ATP8B1: variants seen among roughly 807,000 people sequenced by gnomAD.
The protein encoded by ATP8B1 is ATPase phospholipid transporting 8B1, also known as phospholipid-transporting ATPase IC.
A neutral mutation model predicts 149.9 loss-of-function variants in ATP8B1; 80 were observed. The ratio of observed to expected loss-of-function variants is 0.53; its 90% confidence interval spans 0.45 to 0.64. ATP8B1 has a LOEUF of 0.64. ATP8B1 is among the 30% of genes least tolerant of loss of function. The pLI is 0.00. For missense variants in ATP8B1, 1,247 were observed against 1,552.6 expected (o/e 0.80, Z 3.31); for synonymous variants, 536 against 562.8 (o/e 0.95, Z 0.67).
At chr18:57,790,799 C>A (rs1184356582) in intron 1 of ATP8B1, among the ~76,000 whole-genome samples, 3 of 152,176 alleles carry the variant, frequency 2.0e-5, no homozygotes, top group East Asian at 3.8e-4. Flanking sequence ...CCACTCACTG[C>A]AACCTTTGCC....
intron 1 of ATP8B1, among the ~76,000 whole-genome samples, chr18:57,794,244 T>C (rs1177269590): frequency 6.6e-6 from 1 of 152,122 alleles, no homozygotes; most frequent in Non-Finnish European, 1.5e-5. Flanking sequence ...GAGTATAAAC[T>C]CATATGAGAG....
intron 1 of ATP8B1, among the ~76,000 whole-genome samples, chr18:57,782,801 CTCTTT>C (rs2080368995): frequency 4.8e-5 from 3 of 63,020 alleles, no homozygotes; most frequent in African/African-American, 2.1e-4. Flanking sequence ...TCTAGTTTGT[CTCTTT>C]TTTTTTTTTT....
At chr18:57,657,282 ATAAAAT>A (rs1910068095) in intron 22 of ATP8B1, among the ~76,000 whole-genome samples, 1 of 152,142 alleles carries the variant, frequency 6.6e-6, no homozygotes, top group African/African-American at 2.4e-5. Context: ...TCCAGAATAT[ATAAAAT>A]TAAAGTCACA....
Position 57,695,319 on chromosome 18 carries a change from T to C in ATP8B1, c.792A>G (p.Glu264=). ...DTLATFDGFI[E]CEEPNNRLDK... ...CTAGTCTGTTATTGGGTTCTTCACA[T>C]TCAATAAAACCTTTTAAAAATATAA... The change falls in exon 10 of 28, where the codon GAA becomes GAG. Residue 264 remains glutamate, a synonymous_variant. Coordinates refer to ENST00000648908, the MANE Select transcript of ATP8B1 (RefSeq NM_001374385.1). The C allele has an allele frequency of 1.2e-6, 2 of 1,601,150 alleles. No homozygotes were observed. Among genetic ancestry groups the C allele is most frequent in the Non-Finnish European group, 1.7e-6 (2 of 1,168,314 alleles).
intron 1 of ATP8B1, among the ~76,000 whole-genome samples, chr18:57,766,527 C>A (rs556789991): frequency 1.3e-4 from 20 of 152,294 alleles, no homozygotes; most frequent in Non-Finnish European, 2.6e-4. Context: ...CACATCCTAC[C>A]TTAATGGGGC....
At chr18:57,677,763 C>T (rs1568191983) in intron 15 of ATP8B1, among the ~76,000 whole-genome samples, 5 of 152,124 alleles carry the variant, frequency 3.3e-5, no homozygotes, top group Admixed American at 3.3e-4. Flanking sequence ...TAACCAGAGA[C>T]AAATCAGCAG....
intron 1 of ATP8B1, among the ~76,000 whole-genome samples, chr18:57,764,531 G>C (rs541145526): frequency 5.2e-4 from 79 of 151,680 alleles, no homozygotes; most frequent in South Asian, 2.9e-3. Context: ...TGTTTCTCCT[G>C]CCTCAGCCTC....
At chr18:57,679,704 G>A (rs187850322) in intron 15 of ATP8B1, among the ~76,000 whole-genome samples, 233 of 152,178 alleles carry the variant, frequency 1.5e-3, no homozygotes, top group African/African-American at 5.3e-3. Context: ...TCACTTTGTC[G>A]CCCAGGCTGG....
intron 1 of ATP8B1, among the ~76,000 whole-genome samples, chr18:57,752,484 C>T (rs1418376289): frequency 6.6e-6 from 1 of 152,096 alleles, no homozygotes; most frequent in South Asian, 2.1e-4. Flanking sequence ...TAATCTTGAT[C>T]CCATGTAAAG....
chr18:57,691,465 T>C (rs915646677), intron 12 of ATP8B1, among the ~76,000 whole-genome samples: 7 of 152,216 alleles, frequency 4.6e-5, no homozygotes, highest in Admixed American at 4.6e-4. Context: ...CATCACCTGC[T>C]AAATCTTCCC....
chr18:57,702,620 G>A (rs1913182976), intron 4 of ATP8B1, among the ~76,000 whole-genome samples: 1 of 152,218 alleles, frequency 6.6e-6, no homozygotes, highest in African/African-American at 2.4e-5. Context: ...CACTTTGGGA[G>A]GCCGAGGTGG....
intron 1 of ATP8B1, among the ~76,000 whole-genome samples, chr18:57,798,412 C>CA (rs71807937): frequency 0.11 from 15,202 of 134,948 alleles, 886 homozygotes; most frequent in Middle Eastern, 0.15. Flanking sequence ...CCTGTCTCTA[C>CA]AAAAAAAAAA....
intron 2 of ATP8B1, among the ~76,000 whole-genome samples, chr18:57,712,962 G>A (rs1428255168): frequency 6.6e-6 from 1 of 151,848 alleles, no homozygotes; most frequent in Non-Finnish European, 1.5e-5. Context: ...TGATGAAAGA[G>A]CCCTTGAGCC....
chr18:57,708,148 ACT>A (rs201656035), intron 2 of ATP8B1, among the ~76,000 whole-genome samples: 1 of 132,170 alleles, frequency 7.6e-6, no homozygotes, highest in East Asian at 2.1e-4. Context: ...ACAGACGGAA[ACT>A]CTGTCTCAAA....
chr18:57,685,462 G>A (rs1032798142), intron 13 of ATP8B1, among the ~76,000 whole-genome samples: 1 of 151,808 alleles, frequency 6.6e-6, no homozygotes, highest in Non-Finnish European at 1.5e-5. Context: ...AGGCACTCAC[G>A]GTGCCTACAA....
chr18:57,703,230 A>G (rs1291621905), intron 4 of ATP8B1, among the ~76,000 whole-genome samples: 1 of 152,094 alleles, frequency 6.6e-6, no homozygotes, highest in African/African-American at 2.4e-5. Context: ...TTAAAGGGTC[A>G]ATCCCAGCAG....
chr18:57,788,931 G>A (rs1424553214), intron 1 of ATP8B1, among the ~76,000 whole-genome samples: 1 of 152,052 alleles, frequency 6.6e-6, no homozygotes, highest in Non-Finnish European at 1.5e-5. Flanking sequence ...TAGGAGAATA[G>A]GAAAATAAAT....
intron 15 of ATP8B1, among the ~76,000 whole-genome samples, chr18:57,680,084 T>C (rs975771493): frequency 6.0e-5 from 9 of 150,946 alleles, no homozygotes; most frequent in African/African-American, 2.2e-4. Context: ...AAGACAAGCC[T>C]GGCCAACATG....
At chr18:57,712,636 A>T (rs1025597377) in intron 2 of ATP8B1, among the ~76,000 whole-genome samples, 1 of 151,992 alleles carries the variant, frequency 6.6e-6, no homozygotes, top group African/African-American at 2.4e-5. Context: ...GAGCCAGTTG[A>T]CTTAGCAGGC....
Sources: gnomAD v4.1 joint callset for allele counts (sites outside exome capture counted in the v4.1 genomes callset) on GRCh38, gnomAD v4.1.1 for gene constraint, MANE v1.5 for transcripts, NCBI Gene and HGNC (gene_info 2026-07-23, HGNC 2026-07-21) for gene names.